Variants in FAM81A observed in about 807,000 individuals in gnomAD.
The protein encoded by FAM81A is protein FAM81A.
FAM81A carries 19 observed loss-of-function variants against 46.7 expected under a neutral mutation model. That is an observed-to-expected ratio of 0.41 (90% confidence interval 0.28 to 0.60). The LOEUF is 0.60. Among genes scored for constraint, FAM81A ranks in the 20% least tolerant of loss-of-function variants. FAM81A has a pLI of 0.34. For missense variants in FAM81A, 377 were observed against 453.5 expected, an observed-to-expected ratio of 0.83 and a Z score of 1.53; for synonymous variants, 183 against 152.9, an observed-to-expected ratio of 1.20 and a Z score of -1.45.
At chr15:59,467,822 C>T (rs1427089560) in intron 3 of FAM81A, among the ~76,000 whole-genome samples, 1 of 152,156 alleles carries the variant, frequency 6.6e-6, no homozygotes, top group Non-Finnish European at 1.5e-5. Context: ...TTTGCCCATT[C>T]AGTATGATAT....
chr15:59,448,100 G>C (rs1012498591), intron 1 of FAM81A, among the ~76,000 whole-genome samples: 2 of 152,194 alleles, frequency 1.3e-5, no homozygotes, highest in Non-Finnish European at 2.9e-5. Flanking sequence ...GGGTTGGCTG[G>C]GAGTGGTGGC....
chr15:59,444,423 G>A (rs550221698), intron 1 of FAM81A: 2 of 152,280 alleles, frequency 1.3e-5, no homozygotes, highest in South Asian at 4.1e-4. Flanking sequence ...TCTTAACGTC[G>A]TGTGTATGTG....
intron 6 of FAM81A, among the ~76,000 whole-genome samples, chr15:59,513,836 T>C (rs1226773727): frequency 6.6e-6 from 1 of 152,096 alleles, no homozygotes; most frequent in Non-Finnish European, 1.5e-5. Context: ...GAAATGTCCA[T>C]CAATGATAGA....
intron 8 of FAM81A, among the ~76,000 whole-genome samples, chr15:59,519,442 G>C (rs1350243035): frequency 6.6e-6 from 1 of 151,308 alleles, no homozygotes; most frequent in Non-Finnish European, 1.5e-5. Context: ...ACCCGCCTCG[G>C]CCTGCCTTCC....
intron 2 of FAM81A, among the ~76,000 whole-genome samples, chr15:59,425,030 C>A (rs1400205792): frequency 6.6e-6 from 1 of 152,092 alleles, no homozygotes; most frequent in Admixed American, 6.5e-5. Flanking sequence ...TCCTCTTTTT[C>A]CCTCTTTTAT....
chr15:59,507,511 G>A (rs182031462), intron 5 of FAM81A, among the ~76,000 whole-genome samples, 169 bp downstream of exon 5: 1 of 152,248 alleles, frequency 6.6e-6, no homozygotes, highest in East Asian at 1.9e-4. Flanking sequence ...TCACTAGAGT[G>A]GCCCTTCATG....
At position 59,516,630 on chromosome 15, in the gene FAM81A, T is replaced by C. The variant is rs1367568848; in HGVS notation, c.787-15T>C. On this transcript the variant is annotated splice_polypyrimidine_tract_variant and intron_variant, in intron 7 of 8. Coordinates refer to ENST00000288228, the MANE Select transcript of FAM81A (RefSeq NM_152450.3). ...TTTTGGAGTGATTAAGTGCAGTTCT[T>C]ATCATGGATCTCAGGGAGCCAGTGA... 6.2e-7 allele frequency: 1 copy of C among 1,604,538 alleles called. No individual in the cohort carries two copies. Among genetic ancestry groups the C allele is most frequent in the Non-Finnish European group, 8.5e-7 (1 of 1,177,710 alleles).
At chr15:59,411,004 C>G (rs2081118061) in intron 2 of FAM81A, among the ~76,000 whole-genome samples, 1 of 152,208 alleles carries the variant, frequency 6.6e-6, no homozygotes, top group African/African-American at 2.4e-5. Flanking sequence ...TTTGCCTCGG[C>G]CTCCCAAAGT....
At chr15:59,451,061 G>A (rs1474419549) in intron 1 of FAM81A, among the ~76,000 whole-genome samples, 2 of 152,200 alleles carry the variant, frequency 1.3e-5, no homozygotes, top group Non-Finnish European at 2.9e-5. Flanking sequence ...ACCACAGCAG[G>A]GACCATGTTT....
intron 7 of FAM81A, 134 bp from the exon 8 acceptor site, chr15:59,516,511 A>T: frequency 1.2e-6 from 1 of 820,034 alleles, no homozygotes. Flanking sequence ...GAGAACGGAT[A>T]TTATGGTGGG....
chr15:59,453,758 G>A (rs1478088096), intron 1 of FAM81A, among the ~76,000 whole-genome samples: 2 of 152,126 alleles, frequency 1.3e-5, no homozygotes, highest in Non-Finnish European at 2.9e-5. Context: ...TTGGAAGAGA[G>A]GAGGCAGGGA....
chr15:59,472,416 T>C (rs1325217129), intron 3 of FAM81A, among the ~76,000 whole-genome samples: 1 of 152,192 alleles, frequency 6.6e-6, no homozygotes, highest in Non-Finnish European at 1.5e-5. Context: ...GAAATGGCCA[T>C]AGTACCTTCC....
chr15:59,485,944 C>T (rs2081912075), intron 3 of FAM81A, among the ~76,000 whole-genome samples: 1 of 152,016 alleles, frequency 6.6e-6, no homozygotes, highest in Non-Finnish European at 1.5e-5. Context: ...TTTGGGAGGC[C>T]AAGGCGGGTG....
chr15:59,497,313 G>C (rs1338065664), intron 4 of FAM81A, among the ~76,000 whole-genome samples: 1 of 151,846 alleles, frequency 6.6e-6, no homozygotes, highest in Non-Finnish European at 1.5e-5. Context: ...AGGTGTGGTA[G>C]TGGCCACCTG....
At position 59,514,521 on chromosome 15, in the gene FAM81A, T is replaced by C. The variant is rs1226585866; in HGVS notation, c.786+97T>C. 2.1e-6 allele frequency: 3 copies of C among 1,408,818 alleles called. No individual in the cohort carries two copies. The African/African-American group carries it at 4.3e-5, about 20-fold the overall frequency. The allele number at this position is 1,408,818 out of a possible 1,614,324, so 87.3% of individuals were successfully genotyped here. On this transcript the variant is annotated intron_variant, in intron 7 of 8. Coordinates refer to ENST00000288228, the MANE Select transcript of FAM81A (RefSeq NM_152450.3). The stretch of plus-strand genomic sequence containing the variant: ...CCTAGTAATTTATCACTGATTTAGC[T>C]GTTCAATTGTTTCTTGCCTTAAAAT...
At chr15:59,495,428 C>A (rs1468605838) in intron 4 of FAM81A, among the ~76,000 whole-genome samples, 1 of 152,164 alleles carries the variant, frequency 6.6e-6, no homozygotes, top group African/African-American at 2.4e-5. Flanking sequence ...ATCAGTTGAA[C>A]GTTGGGGTTG....
chr15:59,421,107 A>G (rs1383780441), intron 2 of FAM81A, among the ~76,000 whole-genome samples: 1 of 152,226 alleles, frequency 6.6e-6, no homozygotes, highest in Non-Finnish European at 1.5e-5. Flanking sequence ...TGTGCATACG[A>G]ATCAGCAGGA....
chr15:59,519,472 T>TTTCCTTCC (rs1188676232), intron 8 of FAM81A, among the ~76,000 whole-genome samples: 2 of 96,868 alleles, frequency 2.1e-5, no homozygotes, highest in Admixed American at 2.7e-4. Context: ...CCCTCCCTCC[T>TTTCCTTCC]TTCCTTCCTT....
At chr15:59,493,561 G>A (rs555615587) in intron 4 of FAM81A, among the ~76,000 whole-genome samples, 152 of 152,084 alleles carry the variant, frequency 1.0e-3, no homozygotes, top group Non-Finnish European at 1.9e-3. Context: ...TGCTGTTCTC[G>A]TACCTAGCAT....
Sources: allele counts gnomAD v4.1 joint callset (sites outside exome capture counted in the v4.1 genomes callset), GRCh38; gene constraint gnomAD v4.1.1; transcripts MANE v1.5; gene names NCBI Gene and HGNC (gene_info 2026-07-23, HGNC 2026-07-21).